HMGCL: variants seen among roughly 807,000 people sequenced by gnomAD.
HMGCL encodes the protein 3-hydroxy-3-methylglutaryl-CoA lyase.
In HMGCL, 26 loss-of-function variants were observed where a neutral mutation model predicts 37.3. The observed-to-expected ratio is 0.70, with a 90% CI of 0.51 to 0.97. HMGCL has a LOEUF of 0.97. Among genes scored for constraint, HMGCL ranks in the 50% least tolerant of loss-of-function variants. The pLI, the probability that HMGCL is intolerant of heterozygous loss-of-function variation, is 0.00. For missense variants in HMGCL, 379 were observed against 398.1 expected (o/e 0.95, Z 0.41); for synonymous variants, 151 against 148.0 (o/e 1.02, Z -0.15).
At chr1:23,810,985 TG>T (rs975989497) in intron 5 of HMGCL, among the ~76,000 whole-genome samples, 186 bp from the exon 6 acceptor site, 1 of 152,056 alleles carries the variant, frequency 6.6e-6, no homozygotes, top group African/African-American at 2.4e-5. Flanking sequence ...GGCAGGGAAC[TG>T]GGGGACAATG....
At position 23,806,973 on chromosome 1, in the gene HMGCL, G is replaced by A. The variant is rs766881498; in HGVS notation, c.750+1162C>T. On this transcript the variant is annotated intron_variant, in intron 7 of 8. Transcript: ENST00000374490. This position sits in a 1 kb window ranked among gnomAD's most constrained non-coding sequence, Gnocchi z 4.0. ...ACCTGGCACATCGATCCATATTTCC[G>A]AAGTAACTGATGGAAGAGGGAGGTC... 1.9e-5 allele frequency: 10 copies of A among 518,774 alleles called. No individual in the cohort carries two copies. The highest frequency in any genetic ancestry group is 5.8e-5 in the African/African-American group (3 of 51,948). 32.1% of individuals were successfully genotyped at this position (518,774 alleles called of 1,614,324 possible). A position where few individuals can be genotyped will look rare whatever the true frequency, so the allele number is the denominator to read the frequency against.
rs1638447338 is a variant in HMGCL at position 23,808,198 on chromosome 1, G to A, written c.687C>T (p.Ala229=). 1 of 1,613,964 alleles carries A rather than the reference G, an allele frequency of 6.2e-7. No homozygotes were observed. Among genetic ancestry groups the A allele is most frequent in the African/African-American group, 1.3e-5 (1 of 74,926 alleles). The change falls in exon 7 of 9, where the codon GCC becomes GCT. Residue 229 remains alanine (A), a synonymous_variant. Transcript: ENST00000374490. ...SAVMQEVPLA[A]LAVHCHDTYG... Reference sequence around the variant, plus strand: ...AGGTGTCATGGCAGTGGACAGCCAGGGCAGCCAGAGGCACTTCCTGCATGA... The same window carrying A: ...AGGTGTCATGGCAGTGGACAGCCAGAGCAGCCAGAGGCACTTCCTGCATGA...
intron 4 of HMGCL, chr1:23,816,232 G>A: frequency 3.7e-6 from 1 of 268,240 alleles, no homozygotes; most frequent in Non-Finnish European, 7.3e-6. Flanking sequence ...GCCAAAAAAA[G>A]GTTTTTGCCT....
chr1:23,806,302 GCTCAAGA>G lies in HMGCL; in HGVS notation c.751-1784_751-1778del, dbSNP rs1310666163. Among the ~76,000 whole-genome samples the G allele has an allele frequency of 2.0e-5, 3 of 152,062 alleles. No homozygotes were observed. Among genetic ancestry groups the G allele is most frequent in the Non-Finnish European group, 2.9e-5 (2 of 68,022 alleles). ...TCAGATCATCTCCCTCCCCGCCCCT[GCTCAAGA>G]CTCTCTGTTAGCTTCCCAGCTCAGT... On this transcript the variant is annotated intron_variant, in intron 7 of 8. Transcript: ENST00000374490. This position sits in a 1 kb window ranked among gnomAD's most constrained non-coding sequence, Gnocchi z 4.0.
chr1:23,804,876 A>ACCCCCCCCCCCCCCCCCCCCCCCCC (rs138996016), intron 7 of HMGCL, among the ~76,000 whole-genome samples: 3 of 61,286 alleles, frequency 4.9e-5, no homozygotes, highest in African/African-American at 7.0e-5. Flanking sequence ...TTCATTTATT[A>ACCCCCCCCCCCCCCCCCCCCCCCCC]CCCCCCCCCC....
Position 23,804,494 on chromosome 1 carries a change from G to T in HMGCL, c.782C>A (p.Ala261Glu). The T allele has an allele frequency of 1.2e-6, 2 of 1,614,038 alleles. No homozygotes were observed. Among genetic ancestry groups the T allele is most frequent in the Non-Finnish European group, 1.7e-6 (2 of 1,179,944 alleles). ...MGVSVVDSSVAGLGGCPYAQG... is the reference protein window; with the variant it reads ...MGVSVVDSSVEGLGGCPYAQG... ...TGCGTAGGGACAGCCTCCAAGTCCT[G>T]CCACAGAAGAGTCCACGACACTCAC... is the stretch of plus-strand genomic sequence containing the variant. Residue 261 changes from alanine (A) to glutamate (E), a missense_variant, in exon 8 of 9, where the codon GCA (alanine) becomes GAA (glutamate). Coordinates refer to ENST00000374490, the MANE Select transcript of HMGCL (RefSeq NM_000191.3).
chr1:23,804,408 T>A lies in HMGCL; in HGVS notation c.868A>T (p.Ile290Phe). The A allele has an allele frequency of 6.2e-7, 1 of 1,614,212 alleles. No homozygotes were observed. Among genetic ancestry groups the A allele is most frequent in the Non-Finnish European group, 8.5e-7 (1 of 1,180,028 alleles). Residue 290 changes from isoleucine (I) to phenylalanine (F), a missense_variant, in exon 8 of 9, where the codon ATT becomes TTT. By Grantham distance (21) the Ile-to-Phe change is conservative (BLOSUM62 0). Transcript: ENST00000374490. ...DLVYMLEGLG[I>F]HTGVNLQKLL... ...GGGGTGGGTGGGCTTACCGTGTGAATGCCCAAGCCCTCTAGCATGTAGACC... is the reference window on the plus strand; with the variant it reads ...GGGGTGGGTGGGCTTACCGTGTGAAAGCCCAAGCCCTCTAGCATGTAGACC...
At chr1:23,805,518 T>C (rs1638391249) in intron 7 of HMGCL, among the ~76,000 whole-genome samples, 1 of 152,252 alleles carries the variant, frequency 6.6e-6, no homozygotes, top group Admixed American at 6.5e-5. Context: ...GGCCTCCATG[T>C]AGCTAAGTAC....
chr1:23,817,983 C>A (rs1250264342), intron 2 of HMGCL, among the ~76,000 whole-genome samples: 1 of 152,186 alleles, frequency 6.6e-6, no homozygotes, highest in Non-Finnish European at 1.5e-5. Flanking sequence ...TCAACAGATT[C>A]CATGGATTCC....
chr1:23,821,476 T>A (rs1273585981), intron 1 of HMGCL, among the ~76,000 whole-genome samples: 1 of 151,834 alleles, frequency 6.6e-6, no homozygotes, highest in Non-Finnish European at 1.5e-5. Context: ...GCCAACATGA[T>A]GAAGAAACCC....
intron 7 of HMGCL, 33 bp downstream of exon 7, chr1:23,808,102 C>T (rs1163929596): frequency 5.0e-6 from 8 of 1,590,982 alleles, no homozygotes. Flanking sequence ...CCCACCGTGA[C>T]CTTTGGGAGA....
intron 3 of HMGCL, 138 bp from the exon 4 acceptor site, chr1:23,816,908 C>A (rs1638623501): frequency 4.2e-6 from 3 of 716,914 alleles, no homozygotes; most frequent in Non-Finnish European, 7.6e-6. Flanking sequence ...TGAGTCTCTC[C>A]AATACTTTTA....
In HMGCL at chr1:23,825,265, C is replaced by T. The variant is rs944060017; in HGVS notation, c.60+91G>A. The T allele has an allele frequency of 4.6e-6, 5 of 1,083,074 alleles. No individual in the cohort carries two copies. The African/African-American group carries it at 6.2e-5, about 13-fold the overall frequency. The allele number at this position is 1,083,074 out of a possible 1,614,324, so 67.1% of individuals were successfully genotyped here. ...TGGCCTGAGAGCTGTCCGGCCTCGC[C>T]TCTAAGAGAGCAGTCACCACGGGCC... On this transcript the variant is annotated intron_variant, in intron 1 of 8. Coordinates refer to ENST00000374490, the MANE Select transcript of HMGCL (RefSeq NM_000191.3).
chr1:23,824,798 T>C lies in HMGCL; in HGVS notation c.60+558A>G, dbSNP rs556098055. Among the ~76,000 whole-genome samples, 15 of 152,306 alleles carry C rather than the reference T, an allele frequency of 9.8e-5. No individual in the cohort carries two copies. In the South Asian group the frequency reaches 1.4e-3, roughly 15 times the overall value. ...TAGCTTCAGCTTTTATTTTTTCTGC[T>C]CCATACAGCTACGTCTCCCACACTT... On this transcript the variant is annotated intron_variant, in intron 1 of 8. Transcript: ENST00000374490.
rs765283962 is a variant in HMGCL at position 23,814,302 on chromosome 1, C to G, written c.385G>C (p.Ala129Pro). ...TTCTTGGTGAAGAGCTCTGAGGCAG[C>G]TCCAAAGATGACTACTTCCTTGGCT... Reference protein sequence around the residue: ...AGAKEVVIFGAASELFTKKNI... With the variant: ...AGAKEVVIFGPASELFTKKNI... Residue 129 changes from alanine (A) to proline (P), a missense_variant, in exon 5 of 9, where the codon GCT (alanine) becomes CCT (proline). Transcript: ENST00000374490. 6.2e-7 allele frequency: 1 copy of G among 1,613,738 alleles called. No individual in the cohort carries two copies. Among genetic ancestry groups the G allele is most frequent in the African/African-American group, 1.3e-5 (1 of 74,988 alleles).
intron 2 of HMGCL, among the ~76,000 whole-genome samples, chr1:23,819,068 T>G (rs1449981460): frequency 5.8e-5 from 3 of 52,104 alleles, no homozygotes; most frequent in African/African-American, 2.2e-4. Context: ...ATTGAAAAAA[T>G]AATCAATATA....
At chr1:23,823,844 T>A (rs576688547) in intron 1 of HMGCL, among the ~76,000 whole-genome samples, 149 of 150,350 alleles carry the variant, frequency 9.9e-4, no homozygotes, top group African/African-American at 2.9e-3. Flanking sequence ...GGGTGACAGA[T>A]GACAGAGCAA....
At chr1:23,814,083 G>GC in intron 5 of HMGCL, 107 bp downstream of exon 5, 1 of 1,187,956 alleles carries the variant, frequency 8.4e-7, no homozygotes, top group African/African-American at 1.5e-5. Flanking sequence ...AGCTCAGGCT[G>GC]CCCCCACCCA....
At chr1:23,813,477 A>C (rs533923750) in intron 5 of HMGCL, among the ~76,000 whole-genome samples, 1 of 152,018 alleles carries the variant, frequency 6.6e-6, no homozygotes, top group South Asian at 2.1e-4. Context: ...CATGTCGGCC[A>C]GGCTGGTCTT....
Sources: gnomAD v4.1 joint callset for allele counts (sites outside exome capture counted in the v4.1 genomes callset) on GRCh38, gnomAD v4.1.1 for gene constraint, Gnocchi (gnomAD v3.1) non-coding constraint, MANE v1.5 for transcripts, NCBI Gene and HGNC (gene_info 2026-07-23, HGNC 2026-07-21) for gene names.